The following TAF1D variants were observed in gnomAD, a reference collection of about 807,000 sequenced individuals.
TAF1D encodes the protein TATA box-binding protein-associated factor RNA polymerase I subunit D.
TAF1D carries 23 observed loss-of-function variants against 26.2 expected under a neutral mutation model. The observed-to-expected ratio is 0.88, with a 90% confidence interval of 0.63 to 1.25. TAF1D has a LOEUF of 1.25. Among genes scored for constraint, TAF1D ranks in the 50% most tolerant of loss-of-function variants. TAF1D has a pLI of 0.00. For missense variants in TAF1D, 299 were observed against 322.0 expected (o/e 0.93, Z 0.55); for synonymous variants, 100 against 105.6 (o/e 0.95, Z 0.33).
downstream of TAF1D, chr11:93,734,016 T>C (rs946873537): frequency 2.0e-5 from 3 of 152,412 alleles, no homozygotes; most frequent in African/African-American, 7.2e-5. Context: ...AAGTAGCTCC[T>C]TTACATGAAC....
intron 3 of TAF1D, 49 bp downstream of exon 3, chr11:93,738,060 T>C (rs565782156): frequency 4.0e-6 from 6 of 1,506,980 alleles, no homozygotes; most frequent in Admixed American, 2.5e-5. Context: ...ACAAATCATT[T>C]TGGGCATCTT....
At chr11:93,737,006 TA>T (rs1940938155) in intron 4 of TAF1D, 57 bp downstream of exon 4, 2 of 1,400,582 alleles carry the variant, frequency 1.4e-6, no homozygotes, top group Non-Finnish European at 1.9e-6. Context: ...ATGAAGCAAT[TA>T]ACATAGAAAT....
chr11:93,734,602 T>C (rs1248406559), downstream of TAF1D: 1 of 628,824 alleles, frequency 1.6e-6, no homozygotes, highest in South Asian at 1.5e-5. Flanking sequence ...AAATATGATG[T>C]GAAAACTCAA....
At chr11:93,731,194 C>G (rs763159057), downstream of TAF1D, 1 of 423,792 alleles carries the variant, frequency 2.4e-6, no homozygotes, top group Non-Finnish European at 4.6e-6. Context: ...TATGGATATA[C>G]TGATGAAGAC....
At position 93,737,201 on chromosome 11, in the gene TAF1D, T is replaced by G. The variant is rs757981705; in HGVS notation, c.498A>C (p.Lys166Asn). 12 of 1,607,024 alleles carry G rather than the reference T, an allele frequency of 7.5e-6. No homozygotes were observed. The highest frequency in any genetic ancestry group is 2.7e-5 in the African/African-American group (2 of 74,594). The part of the protein sequence containing the change: ...VARGFFNYIE[K>N]LKYEHHLKES... ...CTTTCAGGTGGTGTTCATACTTCAG[T>G]TTTTCAATATAGTTAAAAAATCCTC... Residue 166 changes from lysine (K) to asparagine (N), a missense_variant, in exon 4 of 6, where the codon AAA becomes AAC. Coordinates refer to ENST00000448108, the MANE Select transcript of TAF1D (RefSeq NM_024116.4).
chr11:93,740,785 C>T (rs891390146), intron 1 of TAF1D, among the ~76,000 whole-genome samples: 1 of 152,202 alleles, frequency 6.6e-6, no homozygotes, highest in South Asian at 2.1e-4. Flanking sequence ...AACGGTATAC[C>T]TGTAGTTAAT....
At chr11:93,734,887 CT>C (rs1440439908), downstream of TAF1D, 1 of 782,928 alleles carries the variant, frequency 1.3e-6, no homozygotes, top group Non-Finnish European at 1.7e-6. Context: ...TCCCCCCTTT[CT>C]GAGTAACTCC....
downstream of TAF1D, chr11:93,731,870 A>G (rs967433462): frequency 2.4e-5 from 9 of 369,890 alleles, no homozygotes; most frequent in Non-Finnish European, 4.2e-5. Flanking sequence ...TGTATACCAC[A>G]TTACAATGTT....
intron 1 of TAF1D, among the ~76,000 whole-genome samples, chr11:93,740,318 G>A (rs1043387040): frequency 4.0e-5 from 6 of 151,310 alleles, no homozygotes; most frequent in Admixed American, 2.6e-4. Context: ...GTGTTGGCCC[G>A]TGCCTTTGCT....
chr11:93,736,145 GA>G lies in TAF1D; in HGVS notation c.*15del. The G allele has an allele frequency of 6.4e-7, 1 of 1,557,110 alleles. No individual in the cohort carries two copies. Among genetic ancestry groups the G allele is most frequent in the South Asian group, 1.1e-5 (1 of 90,158 alleles). The stretch of plus-strand genomic sequence containing the variant: ...CGTTTTTTCTATATGCTTCACCTTT[GA>G]CATTCATGATCCTGTCACATTTTCA... On this transcript the variant is annotated 3_prime_UTR_variant, in exon 6 of 6. Transcript: ENST00000448108.
At chr11:93,739,198 C>T in intron 2 of TAF1D, 39 bp downstream of exon 2, 2 of 1,485,990 alleles carry the variant, frequency 1.3e-6, no homozygotes, top group Non-Finnish European at 9.3e-7. Context: ...AATAGTTTCT[C>T]ATAATTCAGA....
chr11:93,740,433 GAAAAAAAAAAAAAAAAA>G lies in TAF1D; in HGVS notation c.-28+872_-28+888del, dbSNP rs59420824. ...ACGACAGAGCAAGACCCTGTCTCAGGAAAAAAAAAAAAAAAAAAAAAAAAAAAAAAAAAGGCATGGCA... is the reference window on the plus strand; with the variant it reads ...ACGACAGAGCAAGACCCTGTCTCAGGAAAAAAAAAAAAAAAAGGCATGGCA... On this transcript the variant is annotated intron_variant, in intron 1 of 5. Transcript: ENST00000448108. Among the ~76,000 whole-genome samples, 43 of 48,434 alleles carry G rather than the reference GAAAAAAAAAAAAAAAAA, an allele frequency of 8.9e-4. No homozygotes were observed. The South Asian group carries it at 0.015, about 17-fold the overall frequency. 31.8% of individuals were successfully genotyped at this position (48,434 alleles called of 152,430 possible). A position where few individuals can be genotyped will look rare whatever the true frequency, so the allele number is the denominator to read the frequency against.
At chr11:93,734,605 A>C, downstream of TAF1D, 1 of 651,066 alleles carries the variant, frequency 1.5e-6, no homozygotes, top group Non-Finnish European at 2.5e-6. Context: ...TATGATGTGA[A>C]AACTCAAATT....
In TAF1D at chr11:93,736,088, T is replaced by C. The variant is rs1433133503; in HGVS notation, c.*73A>G. The C allele has an allele frequency of 1.3e-6, 2 of 1,595,298 alleles. No homozygotes were observed. Among genetic ancestry groups the C allele is most frequent in the African/African-American group, 2.7e-5 (2 of 73,420 alleles). On this transcript the variant is annotated 3_prime_UTR_variant, in exon 6 of 6. Coordinates refer to ENST00000448108, the MANE Select transcript of TAF1D (RefSeq NM_024116.4). ...CTTCACCACCAGACTGGTACATATA[T>C]CCACATTTATCTTTATTCATTTCTA...
downstream of TAF1D, chr11:93,735,235 C>A: frequency 1.5e-6 from 2 of 1,349,302 alleles, no homozygotes; most frequent in Admixed American, 1.9e-5. Flanking sequence ...TACATAAGTG[C>A]AGTCCCAAAA....
At chr11:93,733,169 A>T, downstream of TAF1D, 3 of 509,734 alleles carry the variant, frequency 5.9e-6, no homozygotes, top group Non-Finnish European at 1.2e-5. Flanking sequence ...ATTTCCAGTT[A>T]TTAAAACTAA....
chr11:93,733,649 C>A (rs372253714), downstream of TAF1D: 2 of 489,990 alleles, frequency 4.1e-6, no homozygotes, highest in Non-Finnish European at 8.0e-6. Context: ...TCTGCCATGT[C>A]TTTTAAAAAT....
downstream of TAF1D, chr11:93,732,177 C>A (rs768686909): frequency 4.9e-5 from 25 of 508,064 alleles, no homozygotes; most frequent in Middle Eastern, 3.2e-4. Flanking sequence ...GTACGAAGTT[C>A]TTGTTATGCT....
intron 5 of TAF1D, 157 bp downstream of exon 5, chr11:93,736,537 T>C: frequency 7.0e-7 from 1 of 1,421,918 alleles, no homozygotes; most frequent in Non-Finnish European, 9.2e-7. Flanking sequence ...TTATCAAGTC[T>C]CTAAAAAATT....
Sources: allele counts gnomAD v4.1 joint callset (sites outside exome capture counted in the v4.1 genomes callset), GRCh38; gene constraint gnomAD v4.1.1; transcripts MANE v1.5; gene names NCBI Gene and HGNC (gene_info 2026-07-23, HGNC 2026-07-21).